The following ACTMAP variants were observed in gnomAD, a reference collection of about 807,000 sequenced individuals.
ACTMAP encodes the protein actin maturation protease, also known as UPF0692 protein C19orf54.
the ACTMAP span, chr19:40,742,861 G>T: frequency 7.7e-7 from 1 of 1,290,464 alleles, no homozygotes; most frequent in Non-Finnish European, 1.1e-6. Flanking sequence ...CGGCCCTCCA[G>T]GGTGGGTGCA....
chr19:40,749,101 C>T, the ACTMAP span, among the ~76,000 whole-genome samples: 3 of 151,718 alleles, frequency 2.0e-5, no homozygotes, highest in Non-Finnish European at 4.4e-5. Context: ...AGCGATTCTC[C>T]CGCCTCAGCC....
the ACTMAP span, among the ~76,000 whole-genome samples, chr19:40,743,485 G>A: frequency 6.6e-6 from 1 of 152,030 alleles, no homozygotes; most frequent in South Asian, 2.1e-4. Context: ...CACCCACCTT[G>A]GCCTCCCGAA....
At chr19:40,742,577 C>T in the ACTMAP span, 4 of 1,607,362 alleles carry the variant, frequency 2.5e-6, no homozygotes, top group East Asian at 4.5e-5. Flanking sequence ...TCTCCCGGAC[C>T]TGGTCGTAGT....
the ACTMAP span, chr19:40,742,445 G>T: frequency 2.7e-4 from 397 of 1,463,330 alleles, no homozygotes; most frequent in African/African-American, 5.2e-3. Context: ...AATGGCTGCA[G>T]TCCTGTGGTG....
chr19:40,744,080 G>A, the ACTMAP span: 18 of 1,613,936 alleles, frequency 1.1e-5, no homozygotes, highest in East Asian at 3.6e-4. Context: ...ATGAGCAGGG[G>A]ATGTCCAGTG....
chr19:40,743,916 G>T, the ACTMAP span: 2 of 1,613,874 alleles, frequency 1.2e-6, no homozygotes, highest in Non-Finnish European at 8.5e-7. Context: ...TGCACTCACC[G>T]CCCAGTGTGC....
chr19:40,745,180 C>G, the ACTMAP span: 1 of 1,551,716 alleles, frequency 6.4e-7, no homozygotes, highest in East Asian at 2.4e-5. Flanking sequence ...AGAGGATCCA[C>G]CGCAGGTCAC....
the ACTMAP span, chr19:40,742,695 G>A: frequency 1.1e-5 from 17 of 1,612,992 alleles, no homozygotes; most frequent in Non-Finnish European, 1.4e-5. Context: ...GCCCAGCACT[G>A]GGTGGAACAG....
At chr19:40,746,633 C>T in the ACTMAP span, among the ~76,000 whole-genome samples, 1 of 152,160 alleles carries the variant, frequency 6.6e-6, no homozygotes, top group Non-Finnish European at 1.5e-5. Context: ...CCTCAGCCTA[C>T]CAAAGTGCTG....
At chr19:40,741,524 C>G in the ACTMAP span, 1 of 355,256 alleles carries the variant, frequency 2.8e-6, no homozygotes, top group South Asian at 2.1e-5. Flanking sequence ...TCCAGACAGG[C>G]CTGTTCCTCC....
chr19:40,741,780 T>A, the ACTMAP span: 1 of 456,664 alleles, frequency 2.2e-6, no homozygotes, highest in Non-Finnish European at 4.4e-6. Context: ...CGGGTCCATC[T>A]AGCACCCCCC....
chr19:40,748,453 C>G, the ACTMAP span, among the ~76,000 whole-genome samples: 1 of 152,104 alleles, frequency 6.6e-6, no homozygotes, highest in Non-Finnish European at 1.5e-5. Flanking sequence ...TTTCTTCAGC[C>G]AGGCAATCAC....
At chr19:40,744,011 C>T in the ACTMAP span, 4 of 1,614,000 alleles carry the variant, frequency 2.5e-6, no homozygotes, top group Non-Finnish European at 3.4e-6. Context: ...GATGGTGTGG[C>T]CCTGGGACCC....
the ACTMAP span, among the ~76,000 whole-genome samples, chr19:40,747,852 C>G: frequency 1.3e-5 from 2 of 152,028 alleles, no homozygotes; most frequent in Non-Finnish European, 2.9e-5. Flanking sequence ...GGCAACAGAG[C>G]AAGACCCTGT....
the ACTMAP span, chr19:40,743,831 G>A: frequency 1.9e-6 from 3 of 1,563,812 alleles, no homozygotes; most frequent in East Asian, 2.2e-5. Context: ...CACAAGGGGT[G>A]AGAATGTCAG....
the ACTMAP span, chr19:40,742,650 CCCT>C: frequency 3.1e-6 from 5 of 1,613,262 alleles, no homozygotes; most frequent in African/African-American, 4.0e-5. Flanking sequence ...TCCCGGGGAG[CCCT>C]CCTCTGGCAG....
chr19:40,743,675 G>T, the ACTMAP span, among the ~76,000 whole-genome samples: 1 of 152,190 alleles, frequency 6.6e-6, no homozygotes, highest in Non-Finnish European at 1.5e-5. Context: ...CCTAGAAGAG[G>T]CTGTGCCAGG....
chr19:40,749,841 C>A, the ACTMAP span: 3 of 1,349,452 alleles, frequency 2.2e-6, no homozygotes, highest in East Asian at 5.6e-5. Flanking sequence ...GTTCAGAAAG[C>A]GGGGAGGGAA....
At chr19:40,742,635 A>C in the ACTMAP span, 2 of 1,613,342 alleles carry the variant, frequency 1.2e-6, no homozygotes. Flanking sequence ...CAGCAGGTAG[A>C]CAGCTCCCGG....
Sources: gnomAD v4.1 joint callset for allele counts (sites outside exome capture counted in the v4.1 genomes callset) on GRCh38, gnomAD v4.1.1 for gene constraint, MANE v1.5 for transcripts, NCBI Gene and HGNC (gene_info 2026-07-23, HGNC 2026-07-21) for gene names.